GNB1: variants seen among roughly 807,000 people sequenced by gnomAD.
The protein encoded by GNB1 is guanine nucleotide-binding protein G(I)/G(S)/G(T) subunit beta-1.
GNB1 carries 2 observed loss-of-function variants against 42.9 expected under a neutral mutation model. That is an observed-to-expected ratio of 0.05 (90% CI 0.02 to 0.15). GNB1 has a LOEUF of 0.15. GNB1 is among the 10% of genes least tolerant of loss of function. The pLI, the probability that GNB1 is intolerant of heterozygous loss-of-function variation, is 1.00. For missense variants in GNB1, 193 were observed against 462.2 expected (o/e 0.42, Z 5.34); for synonymous variants, 183 against 174.7 (o/e 1.05, Z -0.38).
chr1:1,797,648 G>C (rs1646564824), intron 7 of GNB1, among the ~76,000 whole-genome samples: 1 of 152,192 alleles, frequency 6.6e-6, no homozygotes, highest in African/African-American at 2.4e-5. Context: ...ATGTTGGCAG[G>C]CTGGTCTTGC....
intron 3 of GNB1, among the ~76,000 whole-genome samples, chr1:1,820,291 G>A (rs1009325971): frequency 1.4e-5 from 2 of 143,870 alleles, no homozygotes; most frequent in Non-Finnish European, 3.0e-5. Flanking sequence ...CTGGGAGGCA[G>A]AGGTTGCAGT....
intron 1 of GNB1, among the ~76,000 whole-genome samples, chr1:1,859,553 T>C (rs1648497073): frequency 6.6e-6 from 1 of 151,694 alleles, no homozygotes. Context: ...TTTGGAGACA[T>C]AAAGGTGCCA....
At chr1:1,824,165 G>A (rs1438352637) in intron 3 of GNB1, among the ~76,000 whole-genome samples, 2 of 152,182 alleles carry the variant, frequency 1.3e-5, no homozygotes, top group African/African-American at 2.4e-5. Context: ...TACTGAAGAC[G>A]TGGTTTTTCC....
At chr1:1,796,811 G>A (rs1395924419) in intron 7 of GNB1, among the ~76,000 whole-genome samples, 1 of 152,208 alleles carries the variant, frequency 6.6e-6, no homozygotes, top group Non-Finnish European at 1.5e-5. Context: ...TATAGGCAGT[G>A]GGTGTGAAGG....
At chr1:1,886,688 G>A (rs1650175329) in intron 1 of GNB1, among the ~76,000 whole-genome samples, 1 of 152,118 alleles carries the variant, frequency 6.6e-6, no homozygotes, top group Non-Finnish European at 1.5e-5. Context: ...AAATCAGAAT[G>A]TAAACCAGTT....
chr1:1,860,874 G>A (rs1351224452), intron 1 of GNB1, among the ~76,000 whole-genome samples: 1 of 151,976 alleles, frequency 6.6e-6, no homozygotes, highest in Non-Finnish European at 1.5e-5. Context: ...TTGGGAGGCC[G>A]AGCCGGACAG....
chr1:1,807,463 GAAAAA>G (rs533616486), intron 5 of GNB1, among the ~76,000 whole-genome samples: 5 of 25,578 alleles, frequency 2.0e-4, no homozygotes, highest in African/African-American at 9.0e-4. Flanking sequence ...GATCCTGACT[GAAAAA>G]AAAAAAAAAA....
intron 7 of GNB1, among the ~76,000 whole-genome samples, chr1:1,803,007 T>C (rs1646646462): frequency 6.6e-6 from 1 of 152,166 alleles, no homozygotes; most frequent in Non-Finnish European, 1.5e-5. Flanking sequence ...AAGGTTAAAC[T>C]TGTAATCTGG....
Position 1,809,864 on chromosome 1 carries a change from G to A in GNB1, c.204-3326C>T, listed in dbSNP as rs536183211. 6.6e-5 allele frequency among the ~76,000 whole-genome samples: 10 copies of A among 152,208 alleles called. 1 individual carries two copies. The South Asian group carries it at 1.7e-3, about 25-fold the overall frequency. ...CCACTCACCTAGAACATAGAGGCAA[G>A]GGCCAGGAAGCAAGCTAACAGGCTC... is the stretch of plus-strand genomic sequence containing the variant. On this transcript the variant is annotated intron_variant, in intron 5 of 11. Coordinates refer to ENST00000378609, the MANE Select transcript of GNB1 (RefSeq NM_002074.5).
intron 1 of GNB1, among the ~76,000 whole-genome samples, chr1:1,860,581 G>A (rs1397778834): frequency 4.7e-5 from 7 of 149,418 alleles, no homozygotes; most frequent in Non-Finnish European, 1.0e-4. Flanking sequence ...AGCTTGCAGC[G>A]AGCCGAGATC....
At chr1:1,873,512 T>C (rs1649362659) in intron 1 of GNB1, among the ~76,000 whole-genome samples, 1 of 152,194 alleles carries the variant, frequency 6.6e-6, no homozygotes, top group African/African-American at 2.4e-5. Flanking sequence ...TACTCCCACA[T>C]GATGATGAAC....
intron 1 of GNB1, among the ~76,000 whole-genome samples, chr1:1,864,335 A>G (rs1341493581): frequency 8.1e-6 from 1 of 123,196 alleles, no homozygotes; most frequent in South Asian, 2.5e-4. Flanking sequence ...AAAAAAAAAA[A>G]AGAAGAAAAC....
rs1646398450 is a variant in GNB1 at position 1,785,828 on chromosome 1, A to G, written c.*1235T>C. 1.5e-5 allele frequency: 6 copies of G among 395,686 alleles called. No individual in the cohort carries two copies. The East Asian group carries it at 2.1e-4, about 14-fold the overall frequency. The allele number at this position is 395,686 out of a possible 1,614,324, so 24.5% of individuals were successfully genotyped here. A position where few individuals can be genotyped will look rare whatever the true frequency, so the allele number is the denominator to read the frequency against. On this transcript the variant is annotated 3_prime_UTR_variant, in exon 12 of 12. Coordinates refer to ENST00000378609, the MANE Select transcript of GNB1 (RefSeq NM_002074.5). ...CTTTTTTTTTTTTAAAGAAATAAAGAAAACAGTGACTTATCCCGCTACCCA... is the reference window on the plus strand; with the variant it reads ...CTTTTTTTTTTTTAAAGAAATAAAGGAAACAGTGACTTATCCCGCTACCCA...
Position 1,790,344 on chromosome 1 carries a change from G to A in GNB1, c.699+51C>T, listed in dbSNP as rs138058014. 2.2e-5 allele frequency: 27 copies of A among 1,250,132 alleles called. No homozygotes were observed. The highest frequency in any genetic ancestry group is 1.9e-4 in the Middle Eastern group (1 of 5,346). 77.4% of individuals were successfully genotyped at this position (1,250,132 alleles called of 1,614,324 possible). On this transcript the variant is annotated intron_variant, in intron 9 of 11. Transcript: ENST00000378609. The surrounding 1 kb of genome is among the most constrained non-coding windows in gnomAD (Gnocchi z 5.4). ...AAGTTTAAAATTTAGCAATCTGAAC[G>A]GCTAGCAGAGACGGCAGAGGACCCG... is the stretch of plus-strand genomic sequence containing the variant.
intron 1 of GNB1, among the ~76,000 whole-genome samples, chr1:1,870,535 C>T (rs1246310240): frequency 2.0e-5 from 3 of 152,180 alleles, no homozygotes; most frequent in Non-Finnish European, 4.4e-5. Context: ...CTTTCTGAAT[C>T]GCACTTTGTC....
intron 3 of GNB1, among the ~76,000 whole-genome samples, chr1:1,824,354 G>A (rs1646969131): frequency 6.6e-6 from 1 of 152,052 alleles, no homozygotes; most frequent in Non-Finnish European, 1.5e-5. Context: ...AAAGTTATGA[G>A]GCAAGAGAAT....
chr1:1,791,163 A>G (rs1319725327), intron 8 of GNB1, among the ~76,000 whole-genome samples: 1 of 135,580 alleles, frequency 7.4e-6, no homozygotes, highest in Non-Finnish European at 1.6e-5. Flanking sequence ...CTCAGTGATC[A>G]CACCTGGTAT....
chr1:1,823,242 G>GA (rs745874003), intron 3 of GNB1, among the ~76,000 whole-genome samples: 3,047 of 36,744 alleles, frequency 0.083, 129 homozygotes, highest in African/African-American at 0.16. Flanking sequence ...ACTGTCTCCA[G>GA]AAAAAAAAAA....
At chr1:1,815,241 C>T (rs1393180910) in intron 5 of GNB1, among the ~76,000 whole-genome samples, 1 of 152,172 alleles carries the variant, frequency 6.6e-6, no homozygotes, top group Non-Finnish European at 1.5e-5. Flanking sequence ...GAGCAGCTCA[C>T]AGCGCATTCC....
Sources: gnomAD v4.1 joint callset for allele counts (sites outside exome capture counted in the v4.1 genomes callset) on GRCh38, gnomAD v4.1.1 for gene constraint, Gnocchi (gnomAD v3.1) non-coding constraint, MANE v1.5 for transcripts, NCBI Gene and HGNC (gene_info 2026-07-23, HGNC 2026-07-21) for gene names.